ZNF644: variants seen among roughly 807,000 people sequenced by gnomAD.
ZNF644 encodes the protein zinc finger protein 644.
Under a neutral mutation model 108.0 loss-of-function variants are expected in ZNF644, and 20 were observed. The ratio of observed to expected loss-of-function variants is 0.19; its 90% confidence interval spans 0.13 to 0.27. The LOEUF (loss-of-function observed/expected upper bound fraction) is 0.27. ZNF644 is among the 10% of genes least tolerant of loss of function. The probability of loss-of-function intolerance (pLI) is 1.00; values close to 1 mark genes in which losing one functional copy is unlikely to be tolerated. For missense variants in ZNF644, 1,338 were observed against 1,548.9 expected, an observed-to-expected ratio of 0.86 and a Z score of 2.29; for synonymous variants, 542 against 539.1, an observed-to-expected ratio of 1.01 and a Z score of -0.08.
intron 4 of ZNF644, among the ~76,000 whole-genome samples, chr1:90,926,193 G>A (rs1650013899): frequency 6.6e-6 from 1 of 152,148 alleles, no homozygotes; most frequent in Non-Finnish European, 1.5e-5. Context: ...CATGAAGGCT[G>A]CACATAGGAT....
chr1:90,958,270 C>T (rs1014673949), intron 2 of ZNF644, among the ~76,000 whole-genome samples: 48 of 133,506 alleles, frequency 3.6e-4, no homozygotes, highest in Non-Finnish European at 7.1e-4. Flanking sequence ...ATAAATGTAA[C>T]CAAGAAAGTA....
In ZNF644 at chr1:90,940,612, T is replaced by C. The variant is rs764131375; in HGVS notation, c.742A>G (p.Thr248Ala). ...TCATTTTCTGACCTAAATCCATCTG[T>C]ACCTGAGGAAATTCCCGTTACTGTA... ...VNTVTGISSG[T>A]DGFRSENDTN... The change falls in exon 3 of 6, where the codon ACA (threonine) becomes GCA (alanine). Residue 248 changes from threonine (T) to alanine (A), a missense_variant. Coordinates refer to ENST00000337393, the MANE Select transcript of ZNF644 (RefSeq NM_201269.3). 7 of 1,613,942 alleles carry C rather than the reference T, an allele frequency of 4.3e-6. No homozygotes were observed. The African/African-American group carries it at 6.7e-5, about 15-fold the overall frequency.
chr1:91,020,157 T>C (rs765494337), intron 1 of ZNF644, among the ~76,000 whole-genome samples: 1 of 152,200 alleles, frequency 6.6e-6, no homozygotes, highest in East Asian at 1.9e-4. Flanking sequence ...GATCCAGGAA[T>C]ACATTTGCTA....
At position 90,993,938 on chromosome 1, in the gene ZNF644, G is replaced by C. The variant is rs372553606; in HGVS notation, c.-17-11568C>G. On this transcript the variant is annotated intron_variant, in intron 1 of 5. Transcript: ENST00000337393. ...TTACTAATAGTAACCTTAATTTCCA[G>C]ATAGGGACACATTCTTACTCAACTA... Among the ~76,000 whole-genome samples the C allele has an allele frequency of 5.3e-5, 8 of 152,228 alleles. No individual in the cohort carries two copies. The South Asian group carries it at 1.7e-3, about 32-fold the overall frequency.
intron 4 of ZNF644, among the ~76,000 whole-genome samples, chr1:90,935,764 G>T (rs1380299762): frequency 6.6e-6 from 1 of 152,196 alleles, no homozygotes; most frequent in African/African-American, 2.4e-5. Context: ...GAACCTTTGA[G>T]CTCCTCTGGA....
intron 1 of ZNF644, among the ~76,000 whole-genome samples, chr1:90,985,702 A>G (rs1657020844): frequency 1.3e-5 from 2 of 152,200 alleles, no homozygotes; most frequent in South Asian, 2.1e-4. Flanking sequence ...CTTTCATCCA[A>G]TGATGGACAC....
chr1:90,927,436 G>A (rs1650173395), intron 4 of ZNF644, among the ~76,000 whole-genome samples: 2 of 152,008 alleles, frequency 1.3e-5, no homozygotes, highest in Admixed American at 6.6e-5. Context: ...GTATCTATAA[G>A]GGTTACCCAA....
intron 2 of ZNF644, among the ~76,000 whole-genome samples, chr1:90,944,220 C>A (rs77807335): frequency 0.12 from 17,817 of 152,108 alleles, 1,086 homozygotes; most frequent in South Asian, 0.16. Context: ...TTCATTGGTA[C>A]CCCCTGAACA....
chr1:90,978,571 T>A lies in ZNF644; in HGVS notation c.44+3739A>T, dbSNP rs555997053. On this transcript the variant is annotated intron_variant, in intron 2 of 5. Coordinates refer to ENST00000337393, the MANE Select transcript of ZNF644 (RefSeq NM_201269.3). ...AGGTTAAGTTAGAAATTAGAGAAAT[T>A]AATCTAAGACAAATATCCATAAAGA... is the stretch of plus-strand genomic sequence containing the variant. Among the ~76,000 whole-genome samples the A allele has an allele frequency of 7.0e-4, 106 of 152,202 alleles. 1 individual carries two copies. Among genetic ancestry groups the A allele is most frequent in the Non-Finnish European group, 1.5e-3 (100 of 68,006 alleles).
chr1:91,004,179 T>C (rs1296747640), intron 1 of ZNF644, among the ~76,000 whole-genome samples: 1 of 152,154 alleles, frequency 6.6e-6, no homozygotes. Flanking sequence ...TTCCCCCAGT[T>C]TGATGAAAAG....
At chr1:90,966,061 T>C (rs1332485940) in intron 2 of ZNF644, among the ~76,000 whole-genome samples, 1 of 151,988 alleles carries the variant, frequency 6.6e-6, no homozygotes, top group Admixed American at 6.6e-5. Flanking sequence ...CCAACTCTCT[T>C]TCTCAATGTA....
intron 1 of ZNF644, among the ~76,000 whole-genome samples, chr1:90,999,264 A>T (rs1658502924): frequency 6.6e-6 from 1 of 152,206 alleles, no homozygotes; most frequent in African/African-American, 2.4e-5. Context: ...AGTTGAAATG[A>T]AGGAAAAATG....
intron 2 of ZNF644, among the ~76,000 whole-genome samples, chr1:90,942,238 TA>T (rs1652068148): frequency 6.6e-6 from 1 of 152,184 alleles, no homozygotes; most frequent in African/African-American, 2.4e-5. Context: ...TTATTTCATA[TA>T]AAATGTAGAT....
chr1:90,932,810 G>GA (rs1650891491), intron 4 of ZNF644, among the ~76,000 whole-genome samples: 1 of 151,936 alleles, frequency 6.6e-6, no homozygotes, highest in Non-Finnish European at 1.5e-5. Context: ...GAATTTCCAA[G>GA]AAAAAGAAGC....
chr1:91,007,796 T>C (rs1659594463), intron 1 of ZNF644, among the ~76,000 whole-genome samples: 1 of 152,210 alleles, frequency 6.6e-6, no homozygotes, highest in Admixed American at 6.5e-5. Flanking sequence ...AGTTAACTTT[T>C]TACAAAAACT....
intron 2 of ZNF644, among the ~76,000 whole-genome samples, chr1:90,941,942 C>G (rs545400487): frequency 6.6e-6 from 1 of 152,230 alleles, no homozygotes; most frequent in Admixed American, 6.5e-5. Flanking sequence ...AATGTTCTCC[C>G]AACATTCTAT....
In ZNF644 at chr1:90,916,810, T is replaced by C; in HGVS notation, c.3972A>G (p.Glu1324=). The change falls in exon 6 of 6, where the codon GAA becomes GAG. Residue 1324 remains glutamate, a synonymous_variant. Transcript: ENST00000337393. Reference sequence around the variant, plus strand: ...AGGTTTCCTGGTTCTATGAAGCTGCTTCGGCCATTAGTAGAGAAAATGAAG... The same window carrying C: ...AGGTTTCCTGGTTCTATGAAGCTGCCTCGGCCATTAGTAGAGAAAATGAAG... ...TETSFSLLMA[E]AAS is the part of the protein sequence containing the mutation. The C allele has an allele frequency of 6.2e-7, 1 of 1,614,210 alleles. No homozygotes were observed. The highest frequency in any genetic ancestry group is 2.2e-5 in the East Asian group (1 of 44,888).
At chr1:90,985,236 T>C (rs191294142) in intron 1 of ZNF644, among the ~76,000 whole-genome samples, 1 of 152,236 alleles carries the variant, frequency 6.6e-6, no homozygotes, top group South Asian at 2.1e-4. Context: ...ATGTGATGTT[T>C]TGACATATGC....
intron 1 of ZNF644, among the ~76,000 whole-genome samples, chr1:91,019,539 T>A (rs1660709998): frequency 6.6e-6 from 1 of 152,206 alleles, no homozygotes; most frequent in African/African-American, 2.4e-5. Context: ...AAAGTCACTT[T>A]AAAAACCAAG....
Sources: gnomAD v4.1 joint callset for allele counts (sites outside exome capture counted in the v4.1 genomes callset) on GRCh38, gnomAD v4.1.1 for gene constraint, MANE v1.5 for transcripts, NCBI Gene and HGNC (gene_info 2026-07-23, HGNC 2026-07-21) for gene names.